Variants in PPP1R9A observed in about 807,000 individuals in gnomAD.
PPP1R9A encodes the protein protein phosphatase 1 regulatory subunit 9A.
PPP1R9A carries 59 observed loss-of-function variants against 141.9 expected under a neutral mutation model. The observed-to-expected ratio is 0.42, with a 90% CI of 0.34 to 0.52. The LOEUF (loss-of-function observed/expected upper bound fraction) is 0.52. Among genes scored for constraint, PPP1R9A ranks in the 20% least tolerant of loss-of-function variants. PPP1R9A has a pLI of 0.10. For missense variants in PPP1R9A, 1,444 were observed against 1,611.9 expected (o/e 0.90, Z 1.78); for synonymous variants, 500 against 569.7 (o/e 0.88, Z 1.74).
intron 12 of PPP1R9A, among the ~76,000 whole-genome samples, chr7:95,266,825 G>A (rs1025806507): frequency 6.6e-6 from 1 of 152,112 alleles, no homozygotes; most frequent in Non-Finnish European, 1.5e-5. Context: ...TTAAGCAAGA[G>A]CTTATAAGAT....
At chr7:95,146,273 A>G (rs1827595280) in intron 4 of PPP1R9A, among the ~76,000 whole-genome samples, 1 of 152,114 alleles carries the variant, frequency 6.6e-6, no homozygotes, top group South Asian at 2.1e-4. Context: ...TGTTTTCATA[A>G]GTTTTTTGGC....
intron 4 of PPP1R9A, among the ~76,000 whole-genome samples, chr7:95,159,593 T>C (rs1301368433): frequency 1.3e-5 from 2 of 151,988 alleles, no homozygotes; most frequent in African/African-American, 4.8e-5. Context: ...AAATAATAAA[T>C]GGGCTTCAAC....
chr7:95,051,558 A>G (rs779399800), intron 2 of PPP1R9A, among the ~76,000 whole-genome samples: 6 of 152,188 alleles, frequency 3.9e-5, no homozygotes, highest in Non-Finnish European at 7.3e-5. Flanking sequence ...GAATCCATAT[A>G]TTTAATTGGG....
chr7:95,194,836 A>G (rs1027364112), intron 5 of PPP1R9A, among the ~76,000 whole-genome samples: 1 of 152,110 alleles, frequency 6.6e-6, no homozygotes, highest in South Asian at 2.1e-4. Context: ...ATGAATATAG[A>G]GATACACCAT....
intron 2 of PPP1R9A, among the ~76,000 whole-genome samples, chr7:95,060,214 A>G (rs1456957085): frequency 6.6e-6 from 1 of 152,174 alleles, no homozygotes; most frequent in Admixed American, 6.5e-5. Flanking sequence ...CTGAAATCTA[A>G]GGTATCCAGG....
intron 2 of PPP1R9A, among the ~76,000 whole-genome samples, chr7:94,932,520 G>A (rs1794279632): frequency 1.3e-5 from 2 of 152,140 alleles, no homozygotes; most frequent in Non-Finnish European, 2.9e-5. Flanking sequence ...TTGGAGTAGA[G>A]CTAATTCTGG....
intron 5 of PPP1R9A, among the ~76,000 whole-genome samples, chr7:95,188,568 T>G (rs1484392982): frequency 3.3e-5 from 5 of 150,512 alleles, no homozygotes; most frequent in South Asian, 2.1e-4. Context: ...TTGTTTTTGT[T>G]TGTGTGTGTG....
intron 2 of PPP1R9A, among the ~76,000 whole-genome samples, chr7:94,977,835 T>A (rs761691776): frequency 6.6e-6 from 1 of 151,466 alleles, no homozygotes; most frequent in Non-Finnish European, 1.5e-5. Flanking sequence ...TGATCTCGGC[T>A]CACTGCAACC....
At chr7:95,264,709 A>G (rs577659012) in intron 12 of PPP1R9A, among the ~76,000 whole-genome samples, 37 of 152,252 alleles carry the variant, frequency 2.4e-4, no homozygotes, top group African/African-American at 7.9e-4. Flanking sequence ...GTATTTATTG[A>G]TTCACCTCAG....
At chr7:95,002,284 G>T (rs530208254) in intron 2 of PPP1R9A, among the ~76,000 whole-genome samples, 3 of 152,286 alleles carry the variant, frequency 2.0e-5, no homozygotes, top group Admixed American at 2.0e-4. Flanking sequence ...TACACTGAAG[G>T]TCTCATATGT....
intron 4 of PPP1R9A, among the ~76,000 whole-genome samples, chr7:95,125,681 T>G (rs1241653695): frequency 2.0e-5 from 3 of 152,226 alleles, no homozygotes; most frequent in Non-Finnish European, 2.9e-5. Flanking sequence ...ACGTTGTTTT[T>G]GGGTCCTGTT....
rs558154842 is a variant in PPP1R9A at position 94,922,009 on chromosome 7, A to G, written c.1395+10501A>G. On this transcript the variant is annotated intron_variant, in intron 2 of 19. Coordinates refer to ENST00000433360, the MANE Select transcript of PPP1R9A (RefSeq NM_001166160.2). ...TGGGCCCGAAATCTATGATTTTCAT[A>G]TCTGTATTATATACAGTTTCTTGCT... Among the ~76,000 whole-genome samples the G allele has an allele frequency of 3.9e-5, 6 of 151,948 alleles. No individual in the cohort carries two copies. In the South Asian group the frequency reaches 1.2e-3, roughly 31 times the overall value.
At chr7:95,045,054 G>C (rs1027518005) in intron 2 of PPP1R9A, among the ~76,000 whole-genome samples, 1 of 152,112 alleles carries the variant, frequency 6.6e-6, no homozygotes, top group African/African-American at 2.4e-5. Context: ...TAGGTAAGAT[G>C]ATTGACTCCT....
intron 2 of PPP1R9A, among the ~76,000 whole-genome samples, chr7:95,012,308 A>G (rs753091318): frequency 6.6e-6 from 1 of 152,114 alleles, no homozygotes; most frequent in Non-Finnish European, 1.5e-5. Context: ...TAGGAGGAAC[A>G]GGGAGGGGAG....
intron 4 of PPP1R9A, among the ~76,000 whole-genome samples, chr7:95,143,735 G>A (rs576280457): frequency 5.6e-4 from 85 of 152,022 alleles, no homozygotes; most frequent in Non-Finnish European, 1.1e-3. Flanking sequence ...GTACTTCCTG[G>A]GCATTATTAT....
At chr7:95,144,814 C>T (rs1222588726) in intron 4 of PPP1R9A, among the ~76,000 whole-genome samples, 1 of 152,062 alleles carries the variant, frequency 6.6e-6, no homozygotes, top group Admixed American at 6.6e-5. Context: ...GATGACATGA[C>T]CTGATTAAAG....
intron 2 of PPP1R9A, among the ~76,000 whole-genome samples, chr7:95,094,125 A>G (rs1215909337): frequency 6.6e-6 from 1 of 152,224 alleles, no homozygotes; most frequent in Non-Finnish European, 1.5e-5. Context: ...GCAAACATAT[A>G]ACAAAATAGT....
chr7:95,023,255 T>C (rs1401956512), intron 2 of PPP1R9A, among the ~76,000 whole-genome samples: 1 of 152,172 alleles, frequency 6.6e-6, no homozygotes, highest in Non-Finnish European at 1.5e-5. Flanking sequence ...GATTTTCTAG[T>C]TTATTTTTGT....
At chr7:94,911,704 C>T (rs920269747) in intron 2 of PPP1R9A, among the ~76,000 whole-genome samples, 196 bp downstream of exon 2, 2 of 151,958 alleles carry the variant, frequency 1.3e-5, no homozygotes, top group African/African-American at 4.8e-5. Context: ...CTTAAATGTG[C>T]TTTATAATGG....
Sources: gnomAD v4.1 joint callset for allele counts (sites outside exome capture counted in the v4.1 genomes callset) on GRCh38, gnomAD v4.1.1 for gene constraint, MANE v1.5 for transcripts, NCBI Gene and HGNC (gene_info 2026-07-23, HGNC 2026-07-21) for gene names.